The following VSTM2L variants were observed in gnomAD, a reference collection of about 807,000 sequenced individuals.
The protein encoded by VSTM2L is V-set and transmembrane domain-containing protein 2-like protein.
A neutral mutation model predicts 19.9 loss-of-function variants in VSTM2L; 9 were observed. That is an observed-to-expected ratio of 0.45 (90% confidence interval 0.27 to 0.79). VSTM2L has a LOEUF of 0.79. VSTM2L is among the 30% of genes least tolerant of loss of function. The pLI, the probability that VSTM2L is intolerant of heterozygous loss-of-function variation, is 0.15. For synonymous variants in VSTM2L, 127 were observed against 133.8 expected (o/e 0.95, Z 0.35); for missense variants, 286 against 295.5 (o/e 0.97, Z 0.24).
At chr20:37,910,918 TAAAA>T (rs527960204) in intron 1 of VSTM2L, among the ~76,000 whole-genome samples, 1 of 135,224 alleles carries the variant, frequency 7.4e-6, no homozygotes, top group African/African-American at 2.7e-5. Flanking sequence ...CCCTGTCTCT[TAAAA>T]AAAAAAAAAA....
chr20:37,910,998 C>T (rs1427792362), intron 1 of VSTM2L, among the ~76,000 whole-genome samples: 1 of 150,350 alleles, frequency 6.7e-6, no homozygotes, highest in Non-Finnish European at 1.5e-5. Flanking sequence ...TGGGGCCGGG[C>T]GCAGTGGCTC....
At chr20:37,937,511 G>C (rs2072947434) in intron 3 of VSTM2L, among the ~76,000 whole-genome samples, 1 of 152,112 alleles carries the variant, frequency 6.6e-6, no homozygotes, top group Admixed American at 6.5e-5. Context: ...TGCTAAAATT[G>C]AGGTTAATTT....
At chr20:37,907,898 G>A (rs1486009105) in intron 1 of VSTM2L, among the ~76,000 whole-genome samples, 1 of 152,160 alleles carries the variant, frequency 6.6e-6, no homozygotes, top group Non-Finnish European at 1.5e-5. Flanking sequence ...TGGCTTCCTC[G>A]CATTCCTTAC....
chr20:37,934,660 G>A (rs1351438350), intron 3 of VSTM2L, among the ~76,000 whole-genome samples: 3 of 152,172 alleles, frequency 2.0e-5, no homozygotes, highest in African/African-American at 7.2e-5. Context: ...CAATTTGACA[G>A]GGATGAGCAG....
intron 1 of VSTM2L, among the ~76,000 whole-genome samples, chr20:37,911,600 CCT>C (rs2072780288): frequency 6.6e-6 from 1 of 152,204 alleles, no homozygotes; most frequent in African/African-American, 2.4e-5. Context: ...TTCTCTGTCC[CCT>C]GTGTTGAGGC....
intron 3 of VSTM2L, among the ~76,000 whole-genome samples, chr20:37,940,116 G>A (rs764424987): frequency 6.6e-6 from 1 of 152,208 alleles, no homozygotes; most frequent in Non-Finnish European, 1.5e-5. Flanking sequence ...GCGCCTTGTA[G>A]GGTTGACAAA....
intron 3 of VSTM2L, among the ~76,000 whole-genome samples, chr20:37,933,988 C>T (rs961336878): frequency 2.6e-5 from 4 of 152,196 alleles, no homozygotes; most frequent in Admixed American, 6.5e-5. Flanking sequence ...GCCCCGGGGA[C>T]GGGGTGGGGG....
chr20:37,940,742 A>C (rs1217137694), intron 3 of VSTM2L, among the ~76,000 whole-genome samples: 1 of 152,264 alleles, frequency 6.6e-6, no homozygotes, highest in African/African-American at 2.4e-5. Context: ...AACGTTCTGC[A>C]TGGCTGGGGA....
At chr20:37,943,591 C>T (rs1470687407) in intron 3 of VSTM2L, among the ~76,000 whole-genome samples, 1 of 152,098 alleles carries the variant, frequency 6.6e-6, no homozygotes, top group Non-Finnish European at 1.5e-5. Context: ...TAAACTTCCA[C>T]ACCCGGAAGA....
chr20:37,921,960 A>G (rs565318821), intron 1 of VSTM2L, among the ~76,000 whole-genome samples: 1 of 147,822 alleles, frequency 6.8e-6, no homozygotes, highest in Admixed American at 7.0e-5. Flanking sequence ...TTCCCACTCT[A>G]GGAGATTTTT....
chr20:37,928,645 C>G (rs1232881170), intron 1 of VSTM2L, among the ~76,000 whole-genome samples: 3 of 152,134 alleles, frequency 2.0e-5, no homozygotes, highest in Non-Finnish European at 4.4e-5. Flanking sequence ...GTTCCAGCTA[C>G]TCGGGGGGCT....
In VSTM2L at chr20:37,943,984, G is replaced by A. The variant is rs141820364; in HGVS notation, c.346G>A (p.Val116Ile). Reference sequence around the variant, plus strand: ...ACGGTCTCTCTGTCACCCCCAGGTGGTCAAGGTGGTGGGCAGCAACATCTC... The same window carrying A: ...ACGGTCTCTCTGTCACCCCCAGGTGATCAAGGTGGTGGGCAGCAACATCTC... ...AGKEATKISV[V>I]KVVGSNISHK... is the part of the protein sequence containing the mutation. The change falls in exon 4 of 4, where the codon GTC (valine) becomes ATC (isoleucine). Residue 116 changes from valine (V) to isoleucine (I), a missense_variant. Coordinates refer to ENST00000373461, the MANE Select transcript of VSTM2L (RefSeq NM_080607.3). The A allele has an allele frequency of 9.2e-5, 144 of 1,563,510 alleles. No individual in the cohort carries two copies. Among genetic ancestry groups the A allele is most frequent in the Non-Finnish European group, 1.0e-4 (118 of 1,148,180 alleles).
intron 1 of VSTM2L, among the ~76,000 whole-genome samples, chr20:37,917,623 A>G (rs1270770069): frequency 1.3e-5 from 2 of 152,244 alleles, no homozygotes; most frequent in African/African-American, 2.4e-5. Flanking sequence ...GCCACCCAGC[A>G]CGCCAGGGAG....
At chr20:37,920,917 GATTC>G (rs72102953) in intron 1 of VSTM2L, among the ~76,000 whole-genome samples, 22,752 of 87,200 alleles carry the variant, frequency 0.26, 1,829 homozygotes, top group Middle Eastern at 0.35. Context: ...TTGATTGATT[GATTC>G]ATTCATTCAT....
At chr20:37,923,360 A>G (rs1345614056) in intron 1 of VSTM2L, among the ~76,000 whole-genome samples, 2 of 152,280 alleles carry the variant, frequency 1.3e-5, no homozygotes, top group East Asian at 3.9e-4. Flanking sequence ...CCACAGAGCC[A>G]TTTCCTGCAG....
intron 1 of VSTM2L, among the ~76,000 whole-genome samples, chr20:37,914,794 C>A (rs2122945862): frequency 6.6e-6 from 1 of 152,248 alleles, no homozygotes; most frequent in South Asian, 2.1e-4. Flanking sequence ...GGGCCCCACA[C>A]CTAGTTCAAA....
At chr20:37,922,887 A>AG (rs1459328031) in intron 1 of VSTM2L, among the ~76,000 whole-genome samples, 1 of 152,142 alleles carries the variant, frequency 6.6e-6, no homozygotes. Flanking sequence ...CCGGTGGGTG[A>AG]GGGGCTGCAG....
At chr20:37,936,010 C>T (rs958000483) in intron 3 of VSTM2L, among the ~76,000 whole-genome samples, 7 of 151,604 alleles carry the variant, frequency 4.6e-5, no homozygotes, top group Non-Finnish European at 8.8e-5. Context: ...TCAGCTTCCC[C>T]AGTAGCTGGG....
chr20:37,925,507 G>A (rs766094747), intron 1 of VSTM2L, among the ~76,000 whole-genome samples: 20 of 152,128 alleles, frequency 1.3e-4, no homozygotes, highest in Admixed American at 5.2e-4. Context: ...CGTCCACAGC[G>A]GGCTTCTCCC....
Sources: gnomAD v4.1 joint callset for allele counts (sites outside exome capture counted in the v4.1 genomes callset) on GRCh38, gnomAD v4.1.1 for gene constraint, MANE v1.5 for transcripts, NCBI Gene and HGNC (gene_info 2026-07-23, HGNC 2026-07-21) for gene names.